The following PITPNM3 variants were observed in gnomAD, a reference collection of about 807,000 sequenced individuals.
The protein encoded by PITPNM3 is PITPNM family member 3, also known as membrane-associated phosphatidylinositol transfer protein 3.
In PITPNM3, 26 loss-of-function variants were observed where a neutral mutation model predicts 102.0. The ratio of observed to expected loss-of-function variants is 0.25; its 90% CI spans 0.19 to 0.35. PITPNM3 has a LOEUF of 0.35. PITPNM3 is among the 10% of genes least tolerant of loss of function. The probability of loss-of-function intolerance (pLI) is 1.00; values close to 1 mark genes in which losing one functional copy is unlikely to be tolerated. For missense variants in PITPNM3, 1,083 were observed against 1,346.1 expected, an observed-to-expected ratio of 0.80 and a Z score of 3.06; for synonymous variants, 578 against 558.6, an observed-to-expected ratio of 1.03 and a Z score of -0.49.
At position 6,458,351 on chromosome 17, in the gene PITPNM3, T is replaced by C. The variant is rs552130332; in HGVS notation, c.2491-629A>G. On this transcript the variant is annotated intron_variant, in intron 18 of 19. Transcript: ENST00000262483. This position sits in a 1 kb window ranked among gnomAD's most constrained non-coding sequence, Gnocchi z 5.1. ...CCCCTCACTGTGTGCCTCCTGTCAC[T>C]GTCATCTTCTTTTTCTCCCACTCAC... Among the ~76,000 whole-genome samples, 1 of 152,200 alleles carries C rather than the reference T, an allele frequency of 6.6e-6. No homozygotes were observed. Among genetic ancestry groups the C allele is most frequent in the East Asian group, 1.9e-4 (1 of 5,158 alleles).
chr17:6,458,249 C>T lies in PITPNM3; in HGVS notation c.2491-527G>A, dbSNP rs1914189213. The stretch of plus-strand genomic sequence containing the variant: ...GTCTTGCTCCAGGGGCACTTCCAGA[C>T]CATCACCCTTCCCTCCCCTCCCCAG... On this transcript the variant is annotated intron_variant, in intron 18 of 19. Coordinates refer to ENST00000262483, the MANE Select transcript of PITPNM3 (RefSeq NM_031220.4). The surrounding 1 kb of genome is among the most constrained non-coding windows in gnomAD (Gnocchi z 5.1). Among the ~76,000 whole-genome samples the T allele has an allele frequency of 6.6e-6, 1 of 152,012 alleles. No individual in the cohort carries two copies. Among genetic ancestry groups the T allele is most frequent in the African/African-American group, 2.4e-5 (1 of 41,366 alleles).
At chr17:6,463,918 G>C in intron 16 of PITPNM3, 37 bp from the exon 17 acceptor site, 1 of 1,612,034 alleles carries the variant, frequency 6.2e-7, no homozygotes, top group Non-Finnish European at 8.5e-7. Context: ...CGTGAGGTCA[G>C]GGTCAGACGT....
chr17:6,483,789 C>T (rs368423539), intron 5 of PITPNM3, 37 bp from the exon 6 acceptor site: 29 of 1,581,082 alleles, frequency 1.8e-5, no homozygotes, highest in Middle Eastern at 1.7e-4. Flanking sequence ...GAGAGAGAGG[C>T]GGCTGGGGTC....
Position 6,463,791 on chromosome 17 carries a change from G to A in PITPNM3, c.2247C>T (p.Ala749=), listed in dbSNP as rs528378666. 1.9e-6 allele frequency: 3 copies of A among 1,613,098 alleles called. No individual in the cohort carries two copies. The highest frequency in any genetic ancestry group is 2.5e-6 in the Non-Finnish European group (3 of 1,179,922). ...GGTCGCTTCCCATGATAGACACGCTGGCCGCGAAGGACCCATCAATGCTGA... is the reference window on the plus strand; with the variant it reads ...GGTCGCTTCCCATGATAGACACGCTAGCCGCGAAGGACCCATCAATGCTGA... The part of the protein sequence containing the change: ...VVFSIDGSFA[A]SVSIMGSDPK... Residue 749 remains alanine (A), a synonymous_variant, in exon 17 of 20, where the codon GCC becomes GCT. Coordinates refer to ENST00000262483, the MANE Select transcript of PITPNM3 (RefSeq NM_031220.4).
intron 17 of PITPNM3, among the ~76,000 whole-genome samples, chr17:6,462,196 G>C (rs1904497072): frequency 6.6e-6 from 1 of 152,182 alleles, no homozygotes; most frequent in Non-Finnish European, 1.5e-5. Flanking sequence ...AACATGCATA[G>C]CAAGGTGGTA....
chr17:6,463,844 A>G lies in PITPNM3; in HGVS notation c.2194T>C (p.Leu732=). ...ACTACACACTCCATGCCCCTGGGCA[A>G]CACCGTGAGGTAGCTCATGGCACAG... ...QTCAMSYLTV[L]PRGMECVVFS... is the part of the protein sequence containing the mutation. Residue 732 remains leucine, a synonymous_variant, in exon 17 of 20, where the codon TTG becomes CTG. Transcript: ENST00000262483. 1 of 1,614,048 alleles carries G rather than the reference A, an allele frequency of 6.2e-7. No homozygotes were observed. The highest frequency in any genetic ancestry group is 8.5e-7 in the Non-Finnish European group (1 of 1,180,004).
At chr17:6,475,866 C>T (rs1304449002) in intron 9 of PITPNM3, among the ~76,000 whole-genome samples, 1 of 152,196 alleles carries the variant, frequency 6.6e-6, no homozygotes, top group Non-Finnish European at 1.5e-5. Context: ...TCTAAAGGAT[C>T]ATCTGTCAGC....
At chr17:6,489,096 C>A (rs1407225863) in intron 4 of PITPNM3, among the ~76,000 whole-genome samples, 1 of 152,134 alleles carries the variant, frequency 6.6e-6, no homozygotes, top group Non-Finnish European at 1.5e-5. Flanking sequence ...AGGTACAAAT[C>A]GTGATCATCC....
intron 3 of PITPNM3, among the ~76,000 whole-genome samples, chr17:6,519,076 G>A (rs1056146109): frequency 2.6e-5 from 4 of 152,074 alleles, no homozygotes; most frequent in Non-Finnish European, 5.9e-5. Context: ...GGTGGCTCAT[G>A]CCTGTAATCC....
rs75292683 is a variant in PITPNM3, at chr17:6,471,040, C to G, written c.1624+121G>C. 1,224 of 1,192,990 alleles carry G rather than the reference C, an allele frequency of 1.0e-3. 10 individuals carry two copies. In the African/African-American group the frequency reaches 0.015, roughly 14 times the overall value. The allele number at this position is 1,192,990 out of a possible 1,614,324, so 73.9% of individuals were successfully genotyped here. ...AGGCAGAAGCAAGCCCCCAGGACTT[C>G]CTTCACCTTCTCCCTATCCCAGGGC... On this transcript the variant is annotated intron_variant, in intron 12 of 19. Transcript: ENST00000262483.
intron 4 of PITPNM3, among the ~76,000 whole-genome samples, chr17:6,495,871 G>C (rs1250003175): frequency 6.6e-6 from 1 of 152,232 alleles, no homozygotes; most frequent in African/African-American, 2.4e-5. Context: ...GTGGAAGTAA[G>C]TAGACTGTGC....
chr17:6,527,636 C>T (rs1008905806), intron 2 of PITPNM3, among the ~76,000 whole-genome samples: 3 of 152,312 alleles, frequency 2.0e-5, no homozygotes, highest in Middle Eastern at 3.4e-3. Context: ...TTCTTTGTCT[C>T]CTGGTTCAGT....
chr17:6,484,105 A>G, intron 5 of PITPNM3, 111 bp downstream of exon 5: 3 of 1,235,506 alleles, frequency 2.4e-6, no homozygotes, highest in Non-Finnish European at 3.5e-6. Context: ...AGGGTCACAC[A>G]GCAAGTCAGA....
intron 3 of PITPNM3, among the ~76,000 whole-genome samples, chr17:6,515,372 C>T (rs111429668): frequency 8.4e-4 from 115 of 137,360 alleles, no homozygotes; most frequent in African/African-American, 2.9e-3. Context: ...CACTCCAGCC[C>T]GGGCAACAGA....
intron 1 of PITPNM3, among the ~76,000 whole-genome samples, chr17:6,543,438 AG>A (rs567552536): frequency 3.0e-4 from 46 of 152,354 alleles, no homozygotes; most frequent in Admixed American, 2.7e-3. Flanking sequence ...CCCCAGCCCC[AG>A]GGGCAGAGTC....
chr17:6,498,320 G>GA (rs1346305862), intron 4 of PITPNM3, among the ~76,000 whole-genome samples: 1 of 152,260 alleles, frequency 6.6e-6, no homozygotes, highest in Non-Finnish European at 1.5e-5. Context: ...ACTGTGCTTA[G>GA]AGAGTCCACG....
At chr17:6,535,624 A>G (rs970522073) in intron 2 of PITPNM3, among the ~76,000 whole-genome samples, 3 of 152,000 alleles carry the variant, frequency 2.0e-5, no homozygotes, top group Non-Finnish European at 2.9e-5. Context: ...AAGGGAGAAG[A>G]AAAAAAGGAA....
chr17:6,487,333 G>A (rs772799846), intron 4 of PITPNM3, among the ~76,000 whole-genome samples: 5 of 152,122 alleles, frequency 3.3e-5, no homozygotes, highest in Non-Finnish European at 4.4e-5. Flanking sequence ...ATGCATAAAG[G>A]GCTTAGAGCA....
chr17:6,510,308 A>C (rs1007833307), intron 3 of PITPNM3, among the ~76,000 whole-genome samples: 1 of 152,140 alleles, frequency 6.6e-6, no homozygotes, highest in Non-Finnish European at 1.5e-5. Flanking sequence ...ACCTCAGTCA[A>C]GACAAACTCT....
Sources: gnomAD v4.1 joint callset for allele counts (sites outside exome capture counted in the v4.1 genomes callset) on GRCh38, gnomAD v4.1.1 for gene constraint, Gnocchi (gnomAD v3.1) non-coding constraint, MANE v1.5 for transcripts, NCBI Gene and HGNC (gene_info 2026-07-23, HGNC 2026-07-21) for gene names.